Variants in FOXP1 observed in about 807,000 individuals in gnomAD.
FOXP1 encodes forkhead box protein P1.
FOXP1 carries 15 observed loss-of-function variants against 98.2 expected under a neutral mutation model. That is an observed-to-expected ratio of 0.15 (90% CI 0.10 to 0.24). The LOEUF is 0.24. Ranked by LOEUF, FOXP1 falls within the 10% of genes least tolerant of loss-of-function variation. The pLI is 1.00. For missense variants in FOXP1, 633 were observed against 848.5 expected (o/e 0.75, Z 3.15); for synonymous variants, 371 against 314.5 (o/e 1.18, Z -1.90).
chr3:70,981,681 G>A (rs1486988859), intron 14 of FOXP1, among the ~76,000 whole-genome samples: 1 of 152,238 alleles, frequency 6.6e-6, no homozygotes, highest in African/African-American at 2.4e-5. Context: ...GTGGCTGAGA[G>A]CAGCTGTGGC....
chr3:71,091,903 G>A (rs2055891694), intron 7 of FOXP1, among the ~76,000 whole-genome samples: 1 of 152,162 alleles, frequency 6.6e-6, no homozygotes, highest in Non-Finnish European at 1.5e-5. Context: ...AAATCACGAT[G>A]TAGGCTGAGT....
At chr3:70,972,223 AGGAGAC>A (rs1248112106) in intron 18 of FOXP1, 1 of 1,480,612 alleles carries the variant, frequency 6.8e-7, no homozygotes, top group East Asian at 2.5e-5. Flanking sequence ...TGGCAACAAA[AGGAGAC>A]GGGGTTGGGG....
At chr3:71,204,754 A>C (rs2063911250) in intron 5 of FOXP1, among the ~76,000 whole-genome samples, 1 of 152,214 alleles carries the variant, frequency 6.6e-6, no homozygotes, top group Non-Finnish European at 1.5e-5. Flanking sequence ...CTCTTAAGAA[A>C]AAAACAAAAA....
chr3:71,217,537 G>T (rs2108490482), intron 5 of FOXP1, among the ~76,000 whole-genome samples: 1 of 152,200 alleles, frequency 6.6e-6, no homozygotes, highest in East Asian at 1.9e-4. Flanking sequence ...TTATAGGTCA[G>T]GTTAGCCAAG....
Position 70,958,938 on chromosome 3 carries a change from G to C in FOXP1, c.*309C>G, listed in dbSNP as rs879167753. 2 of 429,266 alleles carry C rather than the reference G, an allele frequency of 4.7e-6. No homozygotes were observed. The highest frequency in any genetic ancestry group is 8.7e-6 in the Non-Finnish European group (2 of 229,760). The allele number at this position is 429,266 out of a possible 1,614,324, so 26.6% of individuals were successfully genotyped here. ...CAGTTCAAAGTCTGCTGCTAAAAGT[G>C]AATCAGTTTAGCAAATTTACAACAC... On this transcript the variant is annotated 3_prime_UTR_variant, in exon 21 of 21. Transcript: ENST00000649528.
At chr3:71,529,250 CA>C (rs2043636849) in intron 2 of FOXP1, among the ~76,000 whole-genome samples, 2 of 152,206 alleles carry the variant, frequency 1.3e-5, no homozygotes, top group Non-Finnish European at 2.9e-5. Flanking sequence ...ATATTAGCCA[CA>C]ACAATATTCT....
chr3:71,569,332 A>G (rs1459783926), intron 2 of FOXP1, among the ~76,000 whole-genome samples: 3 of 152,232 alleles, frequency 2.0e-5, no homozygotes, highest in African/African-American at 7.2e-5. Flanking sequence ...TACAGCACAC[A>G]TATCCACAGA....
chr3:71,305,346 C>G (rs2107591967), intron 4 of FOXP1, among the ~76,000 whole-genome samples: 1 of 152,286 alleles, frequency 6.6e-6, no homozygotes, highest in South Asian at 2.1e-4. Flanking sequence ...CCAGCAAGAT[C>G]AGATTTCCTT....
intron 2 of FOXP1, chr3:71,570,833 C>G (rs1442789100): frequency 6.6e-6 from 1 of 152,224 alleles, no homozygotes; most frequent in African/African-American, 2.4e-5. Context: ...AAGGCCACTG[C>G]TGGAGCAGCA....
At chr3:71,157,230 C>G (rs564085490) in intron 6 of FOXP1, among the ~76,000 whole-genome samples, 3 of 151,816 alleles carry the variant, frequency 2.0e-5, no homozygotes, top group Non-Finnish European at 4.4e-5. Context: ...GAACACAGAA[C>G]GAAAAGAGAC....
intron 3 of FOXP1, among the ~76,000 whole-genome samples, chr3:71,429,916 T>G (rs2084541084): frequency 6.6e-6 from 1 of 152,208 alleles, no homozygotes; most frequent in Non-Finnish European, 1.5e-5. Context: ...CCAGCATTCC[T>G]CAAACATATT....
intron 4 of FOXP1, among the ~76,000 whole-genome samples, chr3:71,309,812 A>G (rs1396494097): frequency 6.6e-6 from 1 of 152,086 alleles, no homozygotes; most frequent in Non-Finnish European, 1.5e-5. Flanking sequence ...CATGATAAAA[A>G]TGTTCTCACA....
At chr3:70,984,183 A>G (rs887699184) in intron 14 of FOXP1, among the ~76,000 whole-genome samples, 1 of 152,186 alleles carries the variant, frequency 6.6e-6, no homozygotes, top group Non-Finnish European at 1.5e-5. Flanking sequence ...CACATACTAC[A>G]TACGTCCACG....
At chr3:71,181,974 G>A (rs1001256930) in intron 6 of FOXP1, among the ~76,000 whole-genome samples, 1 of 150,294 alleles carries the variant, frequency 6.7e-6, no homozygotes, top group African/African-American at 2.5e-5. Flanking sequence ...GGCAGAGCTT[G>A]CAGTGAGCCG....
intron 2 of FOXP1, among the ~76,000 whole-genome samples, chr3:71,564,505 T>A (rs1411717980): frequency 1.3e-5 from 2 of 152,082 alleles, no homozygotes; most frequent in Non-Finnish European, 2.9e-5. Context: ...ATCAGAAAGG[T>A]TAATAAGCTT....
In FOXP1 at chr3:71,184,930, C is replaced by T. The variant is rs550567994; in HGVS notation, c.180+13272G>A. On this transcript the variant is annotated intron_variant, in intron 6 of 20. Transcript: ENST00000649528. ...ATTAGAGGCTGGGTGTGGTGGCTCA[C>T]GCCTGTAATCCTAGCACTTTGGGAG... 1.8e-3 allele frequency among the ~76,000 whole-genome samples: 276 copies of T among 152,132 alleles called. 3 individuals are homozygous for T. The highest frequency in any genetic ancestry group is 6.4e-3 in the African/African-American group (266 of 41,510).
chr3:71,295,925 G>C (rs1339104011), intron 5 of FOXP1, among the ~76,000 whole-genome samples: 6 of 152,094 alleles, frequency 3.9e-5, no homozygotes, highest in Non-Finnish European at 8.8e-5. Context: ...TCATCAACGG[G>C]ACCGTTTTTC....
chr3:70,956,763 TTTTTTTTTTTA>T lies in FOXP1; in HGVS notation c.*2473_*2483del, dbSNP rs1350814124. On this transcript the variant is annotated 3_prime_UTR_variant, in exon 21 of 21. Coordinates refer to ENST00000649528, the MANE Select transcript of FOXP1 (RefSeq NM_001349338.3). ...TTTTTTTTTTTTTTTTTTTTTTTTT[TTTTTTTTTTTA>T]AAGTCTTGCGTGACCACAGACTGCC... 7.9e-5 allele frequency: 15 copies of T among 190,556 alleles called. No homozygotes were observed. The highest frequency in any genetic ancestry group is 1.4e-4 in the Admixed American group (2 of 14,294). The allele number at this position is 190,556 out of a possible 1,614,324, so 11.8% of individuals were successfully genotyped here.
At chr3:71,032,532 C>T (rs933754955) in intron 11 of FOXP1, among the ~76,000 whole-genome samples, 7 of 152,130 alleles carry the variant, frequency 4.6e-5, no homozygotes, top group Non-Finnish European at 7.3e-5. Flanking sequence ...TATACTTAGG[C>T]CTTGACTGAT....
Sources: allele counts gnomAD v4.1 joint callset (sites outside exome capture counted in the v4.1 genomes callset), GRCh38; gene constraint gnomAD v4.1.1; transcripts MANE v1.5; gene names NCBI Gene and HGNC (gene_info 2026-07-23, HGNC 2026-07-21).